The following GSE1 variants were observed in gnomAD, a reference collection of about 807,000 sequenced individuals.
The protein encoded by GSE1 is Gse1 coiled-coil protein.
A neutral mutation model predicts 112.6 loss-of-function variants in GSE1; 32 were observed. The observed-to-expected ratio is 0.28, with a 90% confidence interval of 0.21 to 0.38. The LOEUF (loss-of-function observed/expected upper bound fraction) is 0.38, where lower values mean the gene tolerates loss of function less well. Ranked by LOEUF, GSE1 falls within the 10% of genes least tolerant of loss-of-function variation. The pLI, the probability that GSE1 is intolerant of heterozygous loss-of-function variation, is 1.00. For missense variants in GSE1, 2,348 were observed against 1,699.2 expected (o/e 1.38, Z -6.71); for synonymous variants, 1,115 against 735.6 (o/e 1.52, Z -8.35).
At chr16:85,253,510 G>A (rs1008841769) in intron 1 of GSE1, among the ~76,000 whole-genome samples, 3 of 152,184 alleles carry the variant, frequency 2.0e-5, no homozygotes, top group South Asian at 4.1e-4. Context: ...TCTTTCTGGA[G>A]TCCCTCCTGT....
exon 2 of GSE1, chr16:85,357,580 C>G (rs1485793680): frequency 5.4e-6 from 7 of 1,288,686 alleles, no homozygotes; most frequent in Admixed American, 2.3e-5. Flanking sequence ...GGCCCAGGAG[C>G]TGAGGCCAGC....
intron 2 of GSE1, among the ~76,000 whole-genome samples, chr16:85,635,102 C>G (rs966091591): frequency 1.3e-5 from 2 of 152,194 alleles, no homozygotes; most frequent in Non-Finnish European, 2.9e-5. Flanking sequence ...CGGGTTCCAG[C>G]TTGGCAGAGG....
At chr16:85,560,716 C>T (rs1442227136) in intron 1 of GSE1, among the ~76,000 whole-genome samples, 1 of 152,134 alleles carries the variant, frequency 6.6e-6, no homozygotes, top group East Asian at 1.9e-4. Context: ...GTATGTATGC[C>T]TAGATCCCCC....
At chr16:85,204,326 A>G (rs897603602) in intron 1 of GSE1, among the ~76,000 whole-genome samples, 1 of 152,256 alleles carries the variant, frequency 6.6e-6, no homozygotes, top group Non-Finnish European at 1.5e-5. Context: ...TGTATGGAAA[A>G]TAGCATGTTT....
rs909561644 is a variant in GSE1, at chr16:85,560,954, A to G, written c.37+4591A>G. 4.0e-5 allele frequency among the ~76,000 whole-genome samples: 6 copies of G among 151,694 alleles called. No individual in the cohort carries two copies. In the East Asian group the frequency reaches 1.2e-3, roughly 29 times the overall value. On this transcript the variant is annotated intron_variant, in intron 1 of 2. Transcript: ENST00000635906. ...GACCAGCCTGGGCAACATGGTAAGA[A>G]CCCCTCTCTACAAAAAATGCAGAAA...
At chr16:85,557,778 A>T (rs901008057) in intron 1 of GSE1, among the ~76,000 whole-genome samples, 4 of 119,704 alleles carry the variant, frequency 3.3e-5, no homozygotes, top group East Asian at 2.1e-4. Flanking sequence ...CAACTGACTT[A>T]AAAAAAAAAA....
chr16:85,297,428 T>A (rs1256883814), intron 1 of GSE1, among the ~76,000 whole-genome samples: 1 of 152,216 alleles, frequency 6.6e-6, no homozygotes, highest in Admixed American at 6.5e-5. Context: ...GACGTCTTAG[T>A]TTTAGTTTAA....
intron 1 of GSE1, among the ~76,000 whole-genome samples, chr16:85,253,494 G>T (rs946781122): frequency 1.3e-5 from 2 of 152,222 alleles, no homozygotes; most frequent in African/African-American, 4.8e-5. Flanking sequence ...TTGTTCCTCT[G>T]CCTCCTCTTT....
chr16:85,185,040 G>T (rs1370269383), intron 1 of GSE1: 1 of 152,192 alleles, frequency 6.6e-6, no homozygotes, highest in African/African-American at 2.4e-5. Context: ...CTACAGTTTG[G>T]ATTTGTCTTT....
chr16:85,469,197 AGTGAGCCGAGATC>A (rs557817657), intron 2 of GSE1, among the ~76,000 whole-genome samples: 36 of 152,300 alleles, frequency 2.4e-4, no homozygotes, highest in African/African-American at 7.9e-4. Flanking sequence ...TGGAGGTTGC[AGTGAGCCGAGATC>A]GTGCCATTGC....
chr16:85,272,950 A>G (rs1187895362), intron 1 of GSE1, among the ~76,000 whole-genome samples: 1 of 151,944 alleles, frequency 6.6e-6, no homozygotes, highest in Admixed American at 6.6e-5. Flanking sequence ...CTAACTTTGT[A>G]TTTTTAGTAG....
chr16:85,598,173 T>G (rs563228566), intron 1 of GSE1, among the ~76,000 whole-genome samples: 1 of 145,526 alleles, frequency 6.9e-6, no homozygotes, highest in African/African-American at 2.6e-5. Context: ...GGTTGTTTTT[T>G]TTTTTTTTTT....
intron 1 of GSE1, among the ~76,000 whole-genome samples, chr16:85,626,170 C>T (rs1171930872): frequency 6.6e-6 from 1 of 152,074 alleles, no homozygotes; most frequent in East Asian, 1.9e-4. Flanking sequence ...AGCAGGCTGC[C>T]CCCATGTGTC....
intron 2 of GSE1, among the ~76,000 whole-genome samples, chr16:85,364,303 T>G (rs908115966): frequency 6.6e-6 from 1 of 152,128 alleles, no homozygotes; most frequent in Non-Finnish European, 1.5e-5. Flanking sequence ...CCTCTCCTAC[T>G]TAGAAGGCCC....
chr16:85,568,348 G>T (rs1157652807), intron 1 of GSE1, among the ~76,000 whole-genome samples: 1 of 152,190 alleles, frequency 6.6e-6, no homozygotes, highest in Non-Finnish European at 1.5e-5. Context: ...CCCAATTTCA[G>T]GTTCGCCAGC....
intron 1 of GSE1, among the ~76,000 whole-genome samples, chr16:85,178,561 G>T (rs1413335975): frequency 6.6e-6 from 1 of 152,082 alleles, no homozygotes; most frequent in African/African-American, 2.4e-5. Flanking sequence ...GCAGATTCAA[G>T]TGCAAGGGTG....
intron 1 of GSE1, among the ~76,000 whole-genome samples, chr16:85,249,806 G>A (rs769172415): frequency 5.3e-5 from 8 of 152,222 alleles, no homozygotes; most frequent in Non-Finnish European, 1.0e-4. Context: ...GGGTCAGGCC[G>A]CCCTGCAGTT....
At chr16:85,303,337 C>T (rs1192385309) in intron 1 of GSE1, among the ~76,000 whole-genome samples, 1 of 152,232 alleles carries the variant, frequency 6.6e-6, no homozygotes, top group Non-Finnish European at 1.5e-5. Flanking sequence ...AAGTGAGGGT[C>T]TATGACCCCT....
intron 2 of GSE1, among the ~76,000 whole-genome samples, chr16:85,360,341 C>T (rs929066115): frequency 4.6e-5 from 7 of 152,138 alleles, no homozygotes; most frequent in African/African-American, 1.7e-4. Flanking sequence ...GCTGACCTGG[C>T]AAGCCAGGAG....
Sources: gnomAD v4.1 joint callset for allele counts (sites outside exome capture counted in the v4.1 genomes callset) on GRCh38, gnomAD v4.1.1 for gene constraint, MANE v1.5 for transcripts, NCBI Gene and HGNC (gene_info 2026-07-23, HGNC 2026-07-21) for gene names.